The following SHPRH variants were observed in gnomAD, a reference collection of about 807,000 sequenced individuals.
SHPRH encodes E3 ubiquitin-protein ligase SHPRH.
Under a neutral mutation model 202.5 loss-of-function variants are expected in SHPRH, and 106 were observed. The ratio of observed to expected loss-of-function variants is 0.52; its 90% CI spans 0.45 to 0.62. The LOEUF is 0.62. Ranked by LOEUF, SHPRH falls within the 20% of genes least tolerant of loss-of-function variation. The pLI is 0.00. For synonymous variants in SHPRH, 729 were observed against 686.0 expected (o/e 1.06, Z -0.98); for missense variants, 1,710 against 2,020.0 (o/e 0.85, Z 2.94).
chr6:145,908,563 G>C (rs1027544245), intron 25 of SHPRH: 3 of 152,028 alleles, frequency 2.0e-5, no homozygotes, highest in African/African-American at 7.2e-5. Flanking sequence ...ATCTTCTTTT[G>C]AGAAGTGTCT....
In SHPRH at chr6:145,898,723, C is replaced by A. The variant is rs76357936; in HGVS notation, c.4516-3746G>T. Among the ~76,000 whole-genome samples the A allele has an allele frequency of 3.8e-3, 584 of 152,204 alleles. 5 individuals carry two copies. The highest frequency in any genetic ancestry group is 0.013 in the African/African-American group (559 of 41,534). ...TTGTACCTGTCTGCTACCCCTATGACCTCCGCCATGTTATCATGCAACAAG... is the reference window on the plus strand; with the variant it reads ...TTGTACCTGTCTGCTACCCCTATGAACTCCGCCATGTTATCATGCAACAAG... On this transcript the variant is annotated intron_variant, in intron 25 of 29. Transcript: ENST00000275233.
intron 14 of SHPRH, among the ~76,000 whole-genome samples, chr6:145,930,364 T>G (rs149816095): frequency 6.7e-6 from 1 of 148,754 alleles, no homozygotes. Flanking sequence ...GAAACTTTTT[T>G]CTTTTCTAGT....
Position 145,922,659 on chromosome 6 carries a change from C to G in SHPRH, c.3719+4G>C, listed in dbSNP as rs745407419. The stretch of plus-strand genomic sequence containing the variant: ...TTCATTGTATGATTTCTTCTATTAC[C>G]TACCAGTTGAGAGGAAGTCTGGCTG... On this transcript the variant is annotated splice_donor_region_variant and intron_variant, in intron 19 of 29. Transcript: ENST00000275233. 1.9e-6 allele frequency: 3 copies of G among 1,592,478 alleles called. No individual in the cohort carries two copies. In the South Asian group the frequency reaches 3.4e-5, roughly 18 times the overall value.
At chr6:145,946,759 T>C (rs1787428701) in intron 6 of SHPRH, among the ~76,000 whole-genome samples, 1 of 151,948 alleles carries the variant, frequency 6.6e-6, no homozygotes. Context: ...TTTTTAAATT[T>C]TCTACTCAAA....
At position 145,946,217 on chromosome 6, in the gene SHPRH, G is replaced by C; in HGVS notation, c.1321+16C>G. 6.3e-7 allele frequency: 1 copy of C among 1,582,966 alleles called. No homozygotes were observed. The highest frequency in any genetic ancestry group is 2.3e-5 in the East Asian group (1 of 44,208). ...CACTATAAGAAGGTATTTCCTTTAA[G>C]AGATGTCTTACTTACGAGGGCATTG... On this transcript the variant is annotated intron_variant, in intron 7 of 29. Coordinates refer to ENST00000275233, the MANE Select transcript of SHPRH (RefSeq NM_001042683.3).
At chr6:145,910,987 A>C (rs555844601) in intron 24 of SHPRH, among the ~76,000 whole-genome samples, 1 of 152,280 alleles carries the variant, frequency 6.6e-6, no homozygotes, top group South Asian at 2.1e-4. Flanking sequence ...ATCATACTCG[A>C]TATGTTCCAT....
downstream of SHPRH, among the ~76,000 whole-genome samples, chr6:145,880,625 T>C (rs1418497517): frequency 6.7e-6 from 1 of 148,466 alleles, no homozygotes; most frequent in East Asian, 2.0e-4. Context: ...TGAGATCTTG[T>C]CTCAAAGAAA....
chr6:145,943,799 CTGCCTAT>C lies in SHPRH; in HGVS notation c.1579-4_1581del. The C allele has an allele frequency of 6.4e-7, 1 of 1,560,244 alleles. No individual in the cohort carries two copies. The highest frequency in any genetic ancestry group is 8.6e-7 in the Non-Finnish European group (1 of 1,160,944). ...TTCTGAATTTTCCTTGGACTCCCTACTGCCTATGAAAAAAATATTTAATTAATTGATT... is the reference window on the plus strand; with the variant it reads ...TTCTGAATTTTCCTTGGACTCCCTACGAAAAAAATATTTAATTAATTGATT... On this transcript the variant is annotated splice_acceptor_variant and splice_polypyrimidine_tract_variant and coding_sequence_variant and intron_variant, in exon 9 of 30. Coordinates refer to ENST00000275233, the MANE Select transcript of SHPRH (RefSeq NM_001042683.3). LOFTEE classifies it high-confidence loss of function.
intron 23 of SHPRH, among the ~76,000 whole-genome samples, chr6:145,914,412 A>G (rs1783768420): frequency 6.6e-6 from 1 of 152,314 alleles, no homozygotes; most frequent in South Asian, 2.1e-4. Flanking sequence ...TAAAGAGTTG[A>G]CATTTATATA....
chr6:145,910,002 C>T (rs1352506448), intron 25 of SHPRH: 1 of 153,138 alleles, frequency 6.5e-6, no homozygotes, highest in Non-Finnish European at 1.5e-5. Flanking sequence ...GCACATTACC[C>T]TCTTTCTTGT....
downstream of SHPRH, among the ~76,000 whole-genome samples, chr6:145,861,974 G>GA (rs2128681947): frequency 6.6e-6 from 1 of 152,278 alleles, no homozygotes; most frequent in East Asian, 1.9e-4. Context: ...AATAGCAGCA[G>GA]AGAGTAGAAT....
In SHPRH at chr6:145,955,372, C is replaced by T. The variant is rs757844166; in HGVS notation, c.-32-18G>A. 6.5e-7 allele frequency: 1 copy of T among 1,537,850 alleles called. No individual in the cohort carries two copies. The highest frequency in any genetic ancestry group is 8.7e-7 in the Non-Finnish European group (1 of 1,149,164). On this transcript the variant is annotated intron_variant, in intron 1 of 29. Transcript: ENST00000275233. The stretch of plus-strand genomic sequence containing the variant: ...TGTGAACTCTAGAGGACAAATGAAA[C>T]AACAGGAGGTATAACAAGAGATGAT...
At chr6:145,932,727 T>A (rs1280967436) in intron 14 of SHPRH, among the ~76,000 whole-genome samples, 3 of 152,248 alleles carry the variant, frequency 2.0e-5, no homozygotes, top group Non-Finnish European at 2.9e-5. Context: ...CTATTTCTAA[T>A]CATTTTGACT....
In SHPRH at chr6:145,940,766, A is replaced by G. The variant is rs376900698; in HGVS notation, c.2526T>C (p.Asn842=). ...AEMAQRLSGI[N]RWCISGTPVQ... Reference sequence around the variant, plus strand: ...CTGGAGTGCCACTGATACACCATCGATTAATCCCACTCAAACGCTGGGCCA... The same window carrying G: ...CTGGAGTGCCACTGATACACCATCGGTTAATCCCACTCAAACGCTGGGCCA... Residue 842 remains asparagine, a synonymous_variant, in exon 11 of 30, where the codon AAT becomes AAC. Coordinates refer to ENST00000275233, the MANE Select transcript of SHPRH (RefSeq NM_001042683.3). 114 of 1,613,860 alleles carry G rather than the reference A, an allele frequency of 7.1e-5. No homozygotes were observed. The African/African-American group carries it at 1.4e-3, about 20-fold the overall frequency.
At chr6:145,920,370 TGTGTTAAC>T (rs1204395249) in intron 21 of SHPRH, among the ~76,000 whole-genome samples, 5 of 152,114 alleles carry the variant, frequency 3.3e-5, no homozygotes, top group African/African-American at 1.2e-4. Flanking sequence ...TGTAATTAAC[TGTGTTAAC>T]GTGCTTTGTA....
chr6:145,959,607 T>C (rs1454870254), intron 1 of SHPRH, among the ~76,000 whole-genome samples: 1 of 152,204 alleles, frequency 6.6e-6, no homozygotes, highest in African/African-American at 2.4e-5. Context: ...AAATTAAATG[T>C]TATAAACTCA....
intron 11 of SHPRH, chr6:145,935,752 A>AT: frequency 4.4e-6 from 1 of 228,032 alleles, no homozygotes; most frequent in Non-Finnish European, 8.7e-6. Flanking sequence ...ACTCAACTGA[A>AT]TGTACTTGGT....
At chr6:145,874,460 C>T in intron 2 of SHPRH, among the ~76,000 whole-genome samples, 1 of 151,904 alleles carries the variant, frequency 6.6e-6, no homozygotes. Flanking sequence ...CTGTTAATGA[C>T]AGCATTTTTT....
At chr6:145,911,515 C>A (rs1783491188) in intron 24 of SHPRH, among the ~76,000 whole-genome samples, 1 of 152,108 alleles carries the variant, frequency 6.6e-6, no homozygotes. Context: ...GACTTTTGCC[C>A]TCTTTGGCAA....
Sources: gnomAD v4.1 joint callset for allele counts (sites outside exome capture counted in the v4.1 genomes callset) on GRCh38, gnomAD v4.1.1 for gene constraint, MANE v1.5 for transcripts, NCBI Gene and HGNC (gene_info 2026-07-23, HGNC 2026-07-21) for gene names.